The following GRIP1 variants were observed in gnomAD, a reference collection of about 807,000 sequenced individuals.
GRIP1 encodes glutamate receptor-interacting protein 1.
Under a neutral mutation model 129.9 loss-of-function variants are expected in GRIP1, and 45 were observed. That is an observed-to-expected ratio of 0.35 (90% CI 0.27 to 0.44). The LOEUF is 0.44. Among genes scored for constraint, GRIP1 ranks in the 20% least tolerant of loss-of-function variants. GRIP1 has a pLI of 1.00. For missense variants in GRIP1, 1,196 were observed against 1,396.8 expected, an observed-to-expected ratio of 0.86 and a Z score of 2.29; for synonymous variants, 530 against 520.8, an observed-to-expected ratio of 1.02 and a Z score of -0.24.
chr12:67,048,541 T>C (rs2043290945), intron 1 of GRIP1, among the ~76,000 whole-genome samples: 1 of 152,056 alleles, frequency 6.6e-6, no homozygotes, highest in African/African-American at 2.4e-5. Flanking sequence ...GCTCACTGCA[T>C]CCTCAGCCTC....
intron 1 of GRIP1, among the ~76,000 whole-genome samples, chr12:66,776,414 A>G (rs761864639): frequency 1.2e-4 from 18 of 152,260 alleles, no homozygotes; most frequent in Non-Finnish European, 2.5e-4. Flanking sequence ...ACAATAAATC[A>G]AAGACTTTCA....
chr12:66,349,812 T>C (rs1292873785), intron 24 of GRIP1, among the ~76,000 whole-genome samples: 1 of 112,004 alleles, frequency 8.9e-6, no homozygotes, highest in East Asian at 3.0e-4. Flanking sequence ...TGAGACCCTG[T>C]CTCTACTAAG....
intron 1 of GRIP1, among the ~76,000 whole-genome samples, chr12:66,945,061 G>C (rs1167879932): frequency 6.6e-6 from 1 of 152,126 alleles, no homozygotes; most frequent in East Asian, 1.9e-4. Flanking sequence ...CCAAAGTGCT[G>C]GGATTACAGA....
At chr12:66,616,337 G>A (rs1443636494) in intron 1 of GRIP1, among the ~76,000 whole-genome samples, 1 of 151,996 alleles carries the variant, frequency 6.6e-6, no homozygotes, top group Non-Finnish European at 1.5e-5. Context: ...AAATTAACAT[G>A]TTAACCCCAA....
At chr12:66,694,731 T>C (rs1244711453) in intron 1 of GRIP1, among the ~76,000 whole-genome samples, 1 of 152,224 alleles carries the variant, frequency 6.6e-6, no homozygotes, top group Non-Finnish European at 1.5e-5. Context: ...CACAGTCACC[T>C]AGTACACTGA....
chr12:66,646,921 A>G (rs553381156), intron 1 of GRIP1, among the ~76,000 whole-genome samples: 32 of 152,310 alleles, frequency 2.1e-4, no homozygotes, highest in African/African-American at 7.5e-4. Flanking sequence ...AGACCTCTCT[A>G]TTCTCACCTT....
At chr12:66,396,687 TAAG>T (rs935829237) in intron 16 of GRIP1, among the ~76,000 whole-genome samples, 2 of 152,140 alleles carry the variant, frequency 1.3e-5, no homozygotes, top group African/African-American at 4.8e-5. Flanking sequence ...ACCTCTTAAC[TAAG>T]AAGGACACAT....
chr12:66,979,182 G>C (rs1366897913), intron 1 of GRIP1, among the ~76,000 whole-genome samples: 1 of 119,674 alleles, frequency 8.4e-6, no homozygotes, highest in Non-Finnish European at 1.6e-5. Context: ...CCCCACTTGA[G>C]GATTTATATA....
chr12:66,483,864 CT>C (rs35891506), intron 7 of GRIP1, among the ~76,000 whole-genome samples: 83,399 of 145,862 alleles, frequency 0.57, 23,925 homozygotes, highest in Middle Eastern at 0.73. Flanking sequence ...ATCCTAACTT[CT>C]TTTTTTTTTT....
chr12:67,043,195 C>G (rs2043204882), intron 1 of GRIP1, among the ~76,000 whole-genome samples: 1 of 152,188 alleles, frequency 6.6e-6, no homozygotes, highest in South Asian at 2.1e-4. Flanking sequence ...GTAGCACCTA[C>G]TCTTCCTTTG....
At chr12:66,742,894 G>A (rs1481053786) in intron 1 of GRIP1, among the ~76,000 whole-genome samples, 1 of 152,092 alleles carries the variant, frequency 6.6e-6, no homozygotes, top group Admixed American at 6.6e-5. Flanking sequence ...AGGAAAAATA[G>A]TCAATGTAAG....
At chr12:66,505,458 T>A (rs7299018) in intron 7 of GRIP1, among the ~76,000 whole-genome samples, 74,839 of 151,958 alleles carry the variant, frequency 0.49, 18,996 homozygotes, top group African/African-American at 0.63. Flanking sequence ...TAGCCTGCTG[T>A]CATCCTGACC....
intron 1 of GRIP1, among the ~76,000 whole-genome samples, chr12:66,737,316 C>T (rs2036636846): frequency 6.6e-6 from 1 of 152,188 alleles, no homozygotes; most frequent in South Asian, 2.1e-4. Context: ...TGGAGTCTCA[C>T]TCTGTCACCT....
rs539856654 is a variant in GRIP1, at chr12:66,542,064, C to A, written c.137-114G>T. On this transcript the variant is annotated intron_variant, in intron 2 of 24. Coordinates refer to ENST00000359742, the MANE Select transcript of GRIP1 (RefSeq NM_001366722.1). ...TTTTATGAGAAAAGATATTTATGGC[C>A]TCCTTCCATTGTAATTTGAAGAATA... 2.0e-5 allele frequency: 18 copies of A among 896,074 alleles called. No individual in the cohort carries two copies. In the African/African-American group the frequency reaches 3.0e-4, roughly 15 times the overall value. The allele number at this position is 896,074 out of a possible 1,614,324, so 55.5% of individuals were successfully genotyped here.
chr12:66,723,292 C>T (rs1465945383), intron 1 of GRIP1, among the ~76,000 whole-genome samples: 13 of 28,276 alleles, frequency 4.6e-4, no homozygotes, highest in South Asian at 1.9e-3. Flanking sequence ...TCCTTTCTTT[C>T]TTTCTTTCTT....
chr12:66,486,101 C>T (rs1294489654), intron 7 of GRIP1, among the ~76,000 whole-genome samples: 1 of 151,958 alleles, frequency 6.6e-6, no homozygotes, highest in East Asian at 1.9e-4. Context: ...TTCTTGACCC[C>T]TTTTAGTGTG....
At chr12:66,955,313 G>C (rs570844942) in intron 1 of GRIP1, among the ~76,000 whole-genome samples, 46 of 152,120 alleles carry the variant, frequency 3.0e-4, no homozygotes, top group African/African-American at 1.1e-3. Context: ...AGGCCCTGAA[G>C]CACACACGGA....
At chr12:67,047,175 A>G (rs879694683) in intron 1 of GRIP1, among the ~76,000 whole-genome samples, 3 of 152,172 alleles carry the variant, frequency 2.0e-5, no homozygotes, top group Non-Finnish European at 2.9e-5. Flanking sequence ...GGTAGTTTTA[A>G]TTATATTAAA....
At chr12:66,812,665 T>C (rs964151848) in intron 1 of GRIP1, among the ~76,000 whole-genome samples, 1 of 152,242 alleles carries the variant, frequency 6.6e-6, no homozygotes, top group Admixed American at 6.5e-5. Context: ...ACTTTTAGAA[T>C]GTCTACAGCT....
Sources: allele counts gnomAD v4.1 joint callset (sites outside exome capture counted in the v4.1 genomes callset), GRCh38; gene constraint gnomAD v4.1.1; transcripts MANE v1.5; gene names NCBI Gene and HGNC (gene_info 2026-07-23, HGNC 2026-07-21).